Variants in MVP observed in about 807,000 individuals in gnomAD.
MVP encodes the protein lung resistance-related protein.
Under a neutral mutation model 83.5 loss-of-function variants are expected in MVP, and 62 were observed. The observed-to-expected ratio is 0.74, with a 90% CI of 0.61 to 0.92. The LOEUF (loss-of-function observed/expected upper bound fraction) is 0.92, where lower values mean the gene tolerates loss of function less well. Among genes scored for constraint, MVP ranks in the 40% least tolerant of loss-of-function variants. The probability of loss-of-function intolerance (pLI) is 0.00; values close to 1 mark genes in which losing one functional copy is unlikely to be tolerated. For missense variants in MVP, 1,000 were observed against 1,203.4 expected (o/e 0.83, Z 2.50); for synonymous variants, 505 against 504.1 (o/e 1.00, Z -0.02).
intron 1 of MVP, among the ~76,000 whole-genome samples, chr16:29,827,544 C>A (rs1485198255): frequency 6.6e-6 from 1 of 152,196 alleles, no homozygotes; most frequent in Non-Finnish European, 1.5e-5. Flanking sequence ...CTAAAGGATT[C>A]ATTGTCCCTC....
At chr16:29,837,249 T>C (rs2067495662) in intron 7 of MVP, among the ~76,000 whole-genome samples, 1 of 152,192 alleles carries the variant, frequency 6.6e-6, no homozygotes, top group Non-Finnish European at 1.5e-5. Flanking sequence ...TGGGGATACA[T>C]TCTGAGAAAT....
intron 3 of MVP, among the ~76,000 whole-genome samples, chr16:29,832,446 C>T (rs2150753444): frequency 1.3e-5 from 2 of 150,932 alleles, no homozygotes; most frequent in South Asian, 4.2e-4. Context: ...TACAGGCGCC[C>T]ACCACCACAC....
chr16:29,833,551 C>A, intron 3 of MVP, 182 bp from the exon 4 acceptor site: 1 of 587,704 alleles, frequency 1.7e-6, no homozygotes, highest in Non-Finnish European at 2.8e-6. Flanking sequence ...GTCAAGCAAT[C>A]CTCCTACCTC....
Position 29,831,034 on chromosome 16 carries a change from G to A in MVP, c.282G>A (p.Gln94=), listed in dbSNP as rs1483227983. 8.7e-6 allele frequency: 14 copies of A among 1,613,444 alleles called. No homozygotes were observed. Among genetic ancestry groups the A allele is most frequent in the Non-Finnish European group, 1.2e-5 (14 of 1,179,990 alleles). ...RHADLEIRLA[Q]DPFPLYPGEV... ...CTGACCTCGAGATCCGGCTGGCCCA[G>A]GACCCCTTCCCCCTGTACCCAGGGG... Residue 94 remains glutamine (Q), a synonymous_variant, in exon 3 of 15, where the codon CAG becomes CAA. Coordinates refer to ENST00000357402, the MANE Select transcript of MVP (RefSeq NM_005115.5).
rs1411296422 is a variant in MVP at position 29,830,642 on chromosome 16, G to A, written c.93G>A (p.Gly31=). 35 of 1,613,304 alleles carry A rather than the reference G, an allele frequency of 2.2e-5. No individual in the cohort carries two copies. Among genetic ancestry groups the A allele is most frequent in the Non-Finnish European group, 2.7e-5 (32 of 1,179,788 alleles). Residue 31 remains glycine, a synonymous_variant, in exon 2 of 15, where the codon GGG becomes GGA. Transcript: ENST00000357402. ...GCAACGTGTCCCGTGTGGAGGTCGG[G>A]CCAAAGACCTACATCCGGCAGGACA... ...QNSNVSRVEV[G]PKTYIRQDNE... is the part of the protein sequence containing the mutation.
intron 10 of MVP, among the ~76,000 whole-genome samples, chr16:29,842,453 G>A (rs2067543535): frequency 6.6e-6 from 1 of 152,054 alleles, no homozygotes; most frequent in South Asian, 2.1e-4. Context: ...TTACAGGCAT[G>A]TGCCACCATG....
At chr16:29,846,387 A>AT in intron 13 of MVP, 103 bp downstream of exon 13, 1 of 1,423,060 alleles carries the variant, frequency 7.0e-7, no homozygotes, top group Non-Finnish European at 9.3e-7. Flanking sequence ...CCCCCAACAT[A>AT]AAGCCCTATC....
intron 1 of MVP, among the ~76,000 whole-genome samples, chr16:29,825,096 A>G (rs981527795): frequency 2.0e-5 from 3 of 152,050 alleles, no homozygotes; most frequent in African/African-American, 7.2e-5. Flanking sequence ...TGGACAGGCT[A>G]TTTAGTTCCT....
At chr16:29,834,110 TC>T in intron 5 of MVP, 44 bp downstream of exon 5, 2 of 1,599,566 alleles carry the variant, frequency 1.3e-6, no homozygotes, top group Non-Finnish European at 1.7e-6. Flanking sequence ...GCAGGAGGGG[TC>T]CCCACTGCAG....
chr16:29,839,247 A>G (rs2067513181), intron 7 of MVP, among the ~76,000 whole-genome samples: 1 of 152,194 alleles, frequency 6.6e-6, no homozygotes, highest in South Asian at 2.1e-4. Context: ...GATTCCATTT[A>G]TGTGAAATGT....
At chr16:29,847,512 T>A (rs866374326) in intron 14 of MVP, 127 bp downstream of exon 14, 4 of 963,600 alleles carry the variant, frequency 4.2e-6, no homozygotes, top group Non-Finnish European at 6.1e-6. Context: ...TGACCCACGA[T>A]GCAGGGACAT....
chr16:29,840,497 CCTTGGCCTTGGTGG>C lies in MVP; in HGVS notation c.1191+40_1191+53del, dbSNP rs774807593. On this transcript the variant is annotated intron_variant, in intron 8 of 14. Transcript: ENST00000357402. Reference sequence around the variant, plus strand: ...AGTGAGCAGCAGTGCTGCCACGTGGCCTTGGCCTTGGTGGCGGCTTCCTCTGGGTGTGTGGAAGA... The same window carrying C: ...AGTGAGCAGCAGTGCTGCCACGTGGCCGGCTTCCTCTGGGTGTGTGGAAGA... The C allele has an allele frequency of 4.1e-5, 63 of 1,533,380 alleles. 1 individual carries two copies. The highest frequency in any genetic ancestry group is 3.8e-4 in the Admixed American group (19 of 49,890). 95.0% of individuals were successfully genotyped at this position (1,533,380 alleles called of 1,614,324 possible).
At position 29,841,836 on chromosome 16, in the gene MVP, G is replaced by A. The variant is rs770280110; in HGVS notation, c.1432G>A (p.Ala478Thr). The part of the protein sequence containing the change: ...VQVYDYREKR[A>T]RVVFGPELVS... Reference sequence around the variant, plus strand: ...GGTGTACGACTACCGAGAGAAGCGAGCCCGGTGAGTGCTGGCAGCGCAGGG... The same window carrying A: ...GGTGTACGACTACCGAGAGAAGCGAACCCGGTGAGTGCTGGCAGCGCAGGG... Residue 478 changes from alanine to threonine, a missense_variant, in exon 9 of 15, where the codon GCC becomes ACC. Transcript: ENST00000357402. The surrounding 1 kb of genome is among the most constrained non-coding windows in gnomAD (Gnocchi z 4.7). The A allele has an allele frequency of 1.2e-6, 2 of 1,609,264 alleles. No individual in the cohort carries two copies. Among genetic ancestry groups the A allele is most frequent in the Non-Finnish European group, 1.7e-6 (2 of 1,179,862 alleles).
intron 6 of MVP, 148 bp from the exon 7 acceptor site, chr16:29,836,574 A>G (rs1596919703): frequency 1.5e-6 from 1 of 672,490 alleles, no homozygotes; most frequent in Non-Finnish European, 2.4e-6. Flanking sequence ...AGAGACTCCG[A>G]TTTAAAAAAA....
intron 6 of MVP, among the ~76,000 whole-genome samples, 172 bp downstream of exon 6, chr16:29,835,970 A>G (rs1327614592): frequency 6.6e-6 from 1 of 152,024 alleles, no homozygotes; most frequent in African/African-American, 2.4e-5. Flanking sequence ...TGAAGGGTTA[A>G]ATAGTCTTTC....
chr16:29,823,774 C>T (rs2067382860), intron 1 of MVP, among the ~76,000 whole-genome samples: 1 of 149,490 alleles, frequency 6.7e-6, no homozygotes, highest in Admixed American at 6.7e-5. Context: ...ACCCGGGAGG[C>T]GGAGCTGCAG....
intron 7 of MVP, among the ~76,000 whole-genome samples, chr16:29,838,205 G>A (rs752581452): frequency 1.8e-4 from 27 of 152,082 alleles, no homozygotes; most frequent in African/African-American, 5.3e-4. Context: ...AGTCCAAAGC[G>A]GGTGGATCGC....
chr16:29,838,258 A>T (rs999131868), intron 7 of MVP, among the ~76,000 whole-genome samples: 2 of 151,762 alleles, frequency 1.3e-5, no homozygotes, highest in Admixed American at 1.3e-4. Context: ...ACATGGCAAA[A>T]CCCTTTCTCT....
intron 1 of MVP, among the ~76,000 whole-genome samples, chr16:29,823,211 G>A (rs1364745779): frequency 7.7e-6 from 1 of 129,724 alleles, no homozygotes; most frequent in Non-Finnish European, 1.5e-5. Flanking sequence ...CTGCAGCCTT[G>A]ACCTCCCAGG....
Sources: allele counts gnomAD v4.1 joint callset (sites outside exome capture counted in the v4.1 genomes callset), GRCh38; gene constraint gnomAD v4.1.1; non-coding constraint Gnocchi (gnomAD v3.1); transcripts MANE v1.5; gene names NCBI Gene and HGNC (gene_info 2026-07-23, HGNC 2026-07-21).